IFNGR2: variants seen among roughly 807,000 people sequenced by gnomAD.
The protein encoded by IFNGR2 is interferon gamma receptor 2.
A neutral mutation model predicts 41.1 loss-of-function variants in IFNGR2; 15 were observed. The ratio of observed to expected loss-of-function variants is 0.37; its 90% CI spans 0.24 to 0.56. IFNGR2 has a LOEUF of 0.56. IFNGR2 is among the 20% of genes least tolerant of loss of function. The pLI is 0.81. For missense variants in IFNGR2, 362 were observed against 415.7 expected (o/e 0.87, Z 1.12); for synonymous variants, 161 against 171.6 (o/e 0.94, Z 0.48).
intron 2 of IFNGR2, among the ~76,000 whole-genome samples, chr21:33,416,456 A>G (rs994355942): frequency 6.6e-6 from 1 of 152,154 alleles, no homozygotes; most frequent in Admixed American, 6.6e-5. Flanking sequence ...TTTATACTGA[A>G]AAGTTGCAAG....
chr21:33,437,139 T>TC lies in IFNGR2; in HGVS notation c.*178dup. On this transcript the variant is annotated 3_prime_UTR_variant, in exon 7 of 7. Transcript: ENST00000290219. ...GGGGGTGACAAGCTTTTTTTTTTTT[T>TC]CTTAAAGAATTTTCAAAATCAAATT... 1 of 584,946 alleles carries TC rather than the reference T, an allele frequency of 1.7e-6. No homozygotes were observed. The highest frequency in any genetic ancestry group is 3.0e-6 in the Non-Finnish European group (1 of 331,930). The allele number at this position is 584,946 out of a possible 1,614,324, so 36.2% of individuals were successfully genotyped here.
At position 33,429,202 on chromosome 21, in the gene IFNGR2, T is replaced by C. The variant is rs564112870; in HGVS notation, c.561+2170T>C. On this transcript the variant is annotated intron_variant, in intron 4 of 6. Coordinates refer to ENST00000290219, the MANE Select transcript of IFNGR2 (RefSeq NM_005534.4). ...CCAGAGCATCTGTACTTGGCTTCCATGATCAAAAGGTTCAAGGATGAAAAT... is the reference window on the plus strand; with the variant it reads ...CCAGAGCATCTGTACTTGGCTTCCACGATCAAAAGGTTCAAGGATGAAAAT... Among the ~76,000 whole-genome samples, 4 of 152,248 alleles carry C rather than the reference T, an allele frequency of 2.6e-5. No homozygotes were observed. The East Asian group carries it at 7.7e-4, about 29-fold the overall frequency.
intron 3 of IFNGR2, among the ~76,000 whole-genome samples, chr21:33,422,765 T>TA (rs2123351008): frequency 6.7e-6 from 1 of 148,616 alleles, no homozygotes; most frequent in South Asian, 2.1e-4. Flanking sequence ...TAATCCCAGC[T>TA]ACTTGGGAAG....
chr21:33,417,201 C>CCAAG (rs1324326631), intron 2 of IFNGR2, among the ~76,000 whole-genome samples: 2 of 151,984 alleles, frequency 1.3e-5, no homozygotes, highest in African/African-American at 2.4e-5. Flanking sequence ...AGAGATCCTC[C>CCAAG]TACTTCAGCC....
intron 1 of IFNGR2, among the ~76,000 whole-genome samples, chr21:33,413,565 T>C (rs1229692623): frequency 6.6e-6 from 1 of 152,178 alleles, no homozygotes; most frequent in Non-Finnish European, 1.5e-5. Flanking sequence ...TTCTGGGCAT[T>C]TCTTATTAAT....
chr21:33,429,143 C>A (rs1042142900), intron 4 of IFNGR2, among the ~76,000 whole-genome samples: 1 of 152,166 alleles, frequency 6.6e-6, no homozygotes, highest in Non-Finnish European at 1.5e-5. Context: ...GAGGAGCAGC[C>A]GTGAGGGCCC....
chr21:33,422,050 C>T (rs925226316), intron 3 of IFNGR2, among the ~76,000 whole-genome samples: 4 of 152,236 alleles, frequency 2.6e-5, no homozygotes, highest in East Asian at 3.8e-4. Context: ...TTTACTGTGG[C>T]TCTTTACTGA....
At chr21:33,410,967 C>T in intron 1 of IFNGR2, 1 of 1,073,530 alleles carries the variant, frequency 9.3e-7, no homozygotes, top group East Asian at 2.6e-5. Context: ...CCCCAGCCTT[C>T]CAGCCCTGGT....
chr21:33,403,596 C>A lies in IFNGR2; in HGVS notation c.53C>A (p.Ala18Asp). The A allele has an allele frequency of 7.3e-7, 1 of 1,371,566 alleles. No homozygotes were observed. Among genetic ancestry groups the A allele is most frequent in the South Asian group, 1.6e-5 (1 of 61,984 alleles). The allele number at this position is 1,371,566 out of a possible 1,614,324, so 85.0% of individuals were successfully genotyped here. Residue 18 changes from alanine (A) to aspartate (D), a missense_variant, in exon 1 of 7, where the codon GCC (alanine) becomes GAC (aspartate). Transcript: ENST00000290219. ...CTGCTGCTGCTCGGAGTCTTCGCCG[C>A]CGCCGCCGCGGCCCCGCCAGGTGAG... Reference protein sequence around the residue: ...SLLLLLGVFAAAAAAPPDPLS... With the variant: ...SLLLLLGVFADAAAAPPDPLS...
chr21:33,430,737 G>C (rs913081404), intron 4 of IFNGR2, among the ~76,000 whole-genome samples: 2 of 152,170 alleles, frequency 1.3e-5, no homozygotes, highest in Non-Finnish European at 2.9e-5. Context: ...ACAGGCATGA[G>C]CCACCATGCC....
intron 1 of IFNGR2, among the ~76,000 whole-genome samples, chr21:33,407,245 A>G (rs967961517): frequency 6.6e-6 from 1 of 152,104 alleles, no homozygotes; most frequent in Non-Finnish European, 1.5e-5. Context: ...TTATTTGCTG[A>G]CTTGAACAGC....
At chr21:33,427,269 C>T (rs553058380) in intron 4 of IFNGR2, among the ~76,000 whole-genome samples, 187 of 152,300 alleles carry the variant, frequency 1.2e-3, no homozygotes, top group African/African-American at 4.4e-3. Flanking sequence ...TTTGATGTCA[C>T]TCTGTGTCCC....
chr21:33,430,915 C>A (rs1003817573), intron 4 of IFNGR2, among the ~76,000 whole-genome samples: 3 of 152,146 alleles, frequency 2.0e-5, no homozygotes, highest in Non-Finnish European at 4.4e-5. Context: ...AATTAGAAAA[C>A]AGTTCTTTGC....
At position 33,437,441 on chromosome 21, in the gene IFNGR2, G is replaced by A. The variant is rs2083968070; in HGVS notation, c.*479G>A. The stretch of plus-strand genomic sequence containing the variant: ...GCTGGCTTAAAATGTAATTAATCTT[G>A]TAAATATACTCCTAGTAATTTAAGA... On this transcript the variant is annotated 3_prime_UTR_variant, in exon 7 of 7. Coordinates refer to ENST00000290219, the MANE Select transcript of IFNGR2 (RefSeq NM_005534.4). The A allele has an allele frequency of 6.4e-6, 1 of 157,286 alleles. No homozygotes were observed. The highest frequency in any genetic ancestry group is 6.3e-5 in the Admixed American group (1 of 15,992). The allele number at this position is 157,286 out of a possible 1,614,324, so 9.7% of individuals were successfully genotyped here.
chr21:33,404,925 C>A (rs1297496552), intron 1 of IFNGR2, among the ~76,000 whole-genome samples: 1 of 152,056 alleles, frequency 6.6e-6, no homozygotes, highest in African/African-American at 2.4e-5. Context: ...GAGTTCGAGA[C>A]CAGCTTGACC....
chr21:33,436,767 A>G, intron 6 of IFNGR2, 61 bp from the exon 7 acceptor site: 1 of 1,348,024 alleles, frequency 7.4e-7, no homozygotes, highest in Non-Finnish European at 1.0e-6. Context: ...AACTAAAGTT[A>G]AAAGGTCTGG....
At chr21:33,405,092 ACT>A (rs2083667959) in intron 1 of IFNGR2, among the ~76,000 whole-genome samples, 1 of 143,020 alleles carries the variant, frequency 7.0e-6, no homozygotes, top group African/African-American at 2.7e-5. Context: ...ACAGAGCAAG[ACT>A]CTGTCTCAGA....
At chr21:33,436,012 G>A (rs1024712806) in intron 6 of IFNGR2, among the ~76,000 whole-genome samples, 1 of 151,904 alleles carries the variant, frequency 6.6e-6, no homozygotes, top group East Asian at 1.9e-4. Flanking sequence ...AGTGAGCCGA[G>A]ATCGCGCCAC....
chr21:33,429,677 G>A (rs1298598384), intron 4 of IFNGR2, among the ~76,000 whole-genome samples: 1 of 152,118 alleles, frequency 6.6e-6, no homozygotes, highest in Non-Finnish European at 1.5e-5. Flanking sequence ...CAGCGCCCAG[G>A]GCTTTTTCTG....
Sources: allele counts gnomAD v4.1 joint callset (sites outside exome capture counted in the v4.1 genomes callset), GRCh38; gene constraint gnomAD v4.1.1; transcripts MANE v1.5; gene names NCBI Gene and HGNC (gene_info 2026-07-23, HGNC 2026-07-21).